The following AFF3 variants were observed in gnomAD, a reference collection of about 807,000 sequenced individuals.
AFF3 encodes the protein AF4/FMR2 family member 3.
AFF3 carries 32 observed loss-of-function variants against 129.7 expected under a neutral mutation model. The observed-to-expected ratio is 0.25, with a 90% CI of 0.19 to 0.33. The LOEUF (loss-of-function observed/expected upper bound fraction) is 0.33. AFF3 is among the 10% of genes least tolerant of loss of function. AFF3 has a pLI of 1.00. For synonymous variants in AFF3, 644 were observed against 635.4 expected, an observed-to-expected ratio of 1.01 and a Z score of -0.20; for missense variants, 1,373 against 1,592.0, an observed-to-expected ratio of 0.86 and a Z score of 2.34.
chr2:99,814,847 A>G (rs544077703), intron 8 of AFF3, among the ~76,000 whole-genome samples: 1 of 133,904 alleles, frequency 7.5e-6, no homozygotes, highest in Admixed American at 8.0e-5. Flanking sequence ...TGGCATTTTA[A>G]TTATACTTTT....
At chr2:99,733,378 C>CAAA (rs60106625) in intron 10 of AFF3, among the ~76,000 whole-genome samples, 3 of 134,570 alleles carry the variant, frequency 2.2e-5, no homozygotes, top group Non-Finnish European at 4.7e-5. Flanking sequence ...AGACTCCGTC[C>CAAA]AAAAAAAAAA....
In AFF3 at chr2:100,036,263, C is replaced by A. The variant is rs534621739; in HGVS notation, c.54-27331G>T. ...CAATGTGCCAGCCCTTTCCCAGCCA[C>A]CCCAGGTCCTTCTACTTAATAATCC... On this transcript the variant is annotated intron_variant, in intron 4 of 24. Transcript: ENST00000672756. Among the ~76,000 whole-genome samples, 9 of 152,074 alleles carry A rather than the reference C, an allele frequency of 5.9e-5. No homozygotes were observed. In the East Asian group the frequency reaches 1.7e-3, roughly 29 times the overall value.
intron 8 of AFF3, among the ~76,000 whole-genome samples, chr2:99,810,906 G>A (rs1247114533): frequency 6.6e-6 from 1 of 152,126 alleles, no homozygotes; most frequent in African/African-American, 2.4e-5. Flanking sequence ...CACTGGACAA[G>A]TCTTTCTGAT....
intron 7 of AFF3, among the ~76,000 whole-genome samples, chr2:99,965,022 A>C (rs1677604041): frequency 6.6e-6 from 1 of 152,230 alleles, no homozygotes; most frequent in African/African-American, 2.4e-5. Flanking sequence ...ATGTTATAGA[A>C]GACTGACAGT....
intron 4 of AFF3, among the ~76,000 whole-genome samples, chr2:100,079,079 T>TG (rs1183228912): frequency 6.6e-6 from 1 of 152,050 alleles, no homozygotes; most frequent in East Asian, 1.9e-4. Context: ...CCCGAGTAGC[T>TG]GAGACTATAG....
chr2:99,896,867 C>T (rs936243324), intron 7 of AFF3, among the ~76,000 whole-genome samples: 1 of 151,812 alleles, frequency 6.6e-6, no homozygotes, highest in African/African-American at 2.4e-5. Context: ...GATCTCCTGA[C>T]CTCGTGATCT....
At chr2:99,834,223 T>G (rs1688701150) in intron 8 of AFF3, among the ~76,000 whole-genome samples, 1 of 152,212 alleles carries the variant, frequency 6.6e-6, no homozygotes, top group Non-Finnish European at 1.5e-5. Flanking sequence ...TAAGAGAGGT[T>G]GCTGTGCAAG....
At chr2:99,630,376 G>A (rs1277244722) in intron 13 of AFF3, among the ~76,000 whole-genome samples, 1 of 152,140 alleles carries the variant, frequency 6.6e-6, no homozygotes, top group African/African-American at 2.4e-5. Flanking sequence ...CTAGGATACA[G>A]TCTTTACTGC....
rs1265494118 is a variant in AFF3, at chr2:99,855,756, TG to T, written c.874-18233del. ...CCAGTCCTTAAGTCTGAGCTGCCAA[TG>T]GTGACTTCTTTCCAAAGAGTATAGC... On this transcript the variant is annotated intron_variant, in intron 7 of 24. Coordinates refer to ENST00000672756, the MANE Select transcript of AFF3 (RefSeq NM_001386135.1). Among the ~76,000 whole-genome samples the T allele has an allele frequency of 4.6e-5, 7 of 152,138 alleles. 1 individual carries two copies. Among genetic ancestry groups the T allele is most frequent in the Admixed American group, 2.6e-4 (4 of 15,272 alleles).
chr2:99,946,284 C>T (rs1675553199), intron 7 of AFF3, among the ~76,000 whole-genome samples: 1 of 151,416 alleles, frequency 6.6e-6, no homozygotes, highest in Non-Finnish European at 1.5e-5. Flanking sequence ...ACCAGCTTGG[C>T]CAACATGGCG....
chr2:100,121,800 C>T (rs1457015975), intron 2 of AFF3, among the ~76,000 whole-genome samples: 4 of 152,144 alleles, frequency 2.6e-5, no homozygotes, highest in African/African-American at 7.2e-5. Flanking sequence ...CGGTGGCTCA[C>T]GCCTGTAATC....
In AFF3 at chr2:99,727,079, T is replaced by C. The variant is rs763211796; in HGVS notation, c.1089A>G (p.Thr363=). The C allele has an allele frequency of 2.7e-5, 44 of 1,604,772 alleles. No individual in the cohort carries two copies. Among genetic ancestry groups the C allele is most frequent in the Non-Finnish European group, 3.5e-5 (41 of 1,177,360 alleles). The part of the protein sequence containing the change: ...PESPDNGTSN[T]SMLEDDLKLS... Reference sequence around the variant, plus strand: ...GATAGAAAATGAAAGAAACTTACGATGTATTCGATGTGCCATTGTCTGGAC... The same window carrying C: ...GATAGAAAATGAAAGAAACTTACGACGTATTCGATGTGCCATTGTCTGGAC... The change falls in exon 11 of 25, where the codon ACA becomes ACG. Residue 363 remains threonine, a splice_region_variant and synonymous_variant. Transcript: ENST00000672756.
chr2:99,597,711 C>A (rs1193375760), intron 14 of AFF3, among the ~76,000 whole-genome samples: 1 of 152,380 alleles, frequency 6.6e-6, no homozygotes, highest in South Asian at 2.1e-4. Context: ...AGGAGGGGAA[C>A]CTCAGGCTGC....
At chr2:99,569,726 T>C (rs1378833475) in intron 18 of AFF3, among the ~76,000 whole-genome samples, 2 of 152,118 alleles carry the variant, frequency 1.3e-5, no homozygotes, top group Non-Finnish European at 2.9e-5. Flanking sequence ...ATTAAAAAAA[T>C]GACATTTTTA....
At chr2:99,905,285 C>T (rs1353400805) in intron 7 of AFF3, among the ~76,000 whole-genome samples, 1 of 152,170 alleles carries the variant, frequency 6.6e-6, no homozygotes, top group African/African-American at 2.4e-5. Context: ...TTCTTGCTAG[C>T]CTAACCCTGC....
intron 4 of AFF3, among the ~76,000 whole-genome samples, chr2:100,026,201 GA>G (rs572359761): frequency 6.6e-6 from 1 of 151,768 alleles, no homozygotes; most frequent in Non-Finnish European, 1.5e-5. Context: ...AAATCAGTGA[GA>G]AAAAAACAAA....
intron 4 of AFF3, among the ~76,000 whole-genome samples, chr2:100,047,652 T>C (rs754158110): frequency 6.6e-6 from 1 of 152,230 alleles, no homozygotes; most frequent in African/African-American, 2.4e-5. Context: ...AGTCAGCGAT[T>C]AGCTCTAAGC....
chr2:99,633,002 C>A (rs567997158), intron 13 of AFF3, among the ~76,000 whole-genome samples: 2 of 152,188 alleles, frequency 1.3e-5, no homozygotes, highest in South Asian at 2.1e-4. Flanking sequence ...AGGCCAATGG[C>A]GAATCATGTC....
At chr2:99,584,649 A>ATAT (rs1677916507) in intron 16 of AFF3, among the ~76,000 whole-genome samples, 1 of 152,192 alleles carries the variant, frequency 6.6e-6, no homozygotes, top group Non-Finnish European at 1.5e-5. Flanking sequence ...AATGTATATT[A>ATAT]TATTGTTAGG....
Sources: allele counts gnomAD v4.1 joint callset (sites outside exome capture counted in the v4.1 genomes callset), GRCh38; gene constraint gnomAD v4.1.1; transcripts MANE v1.5; gene names NCBI Gene and HGNC (gene_info 2026-07-23, HGNC 2026-07-21).